ADCY9: variants seen among roughly 807,000 people sequenced by gnomAD.
ADCY9 encodes adenylate cyclase type 9.
ADCY9 carries 50 observed loss-of-function variants against 101.5 expected under a neutral mutation model. That is an observed-to-expected ratio of 0.49 (90% confidence interval 0.39 to 0.62). The LOEUF (loss-of-function observed/expected upper bound fraction) is 0.62. Ranked by LOEUF, ADCY9 falls within the 20% of genes least tolerant of loss-of-function variation. ADCY9 has a pLI of 0.00. For missense variants in ADCY9, 1,662 were observed against 1,800.4 expected, an observed-to-expected ratio of 0.92 and a Z score of 1.39; for synonymous variants, 905 against 769.3, an observed-to-expected ratio of 1.18 and a Z score of -2.92.
In ADCY9 at chr16:3,989,040, A is replaced by T; in HGVS notation, c.2264T>A (p.Leu755Gln). The T allele has an allele frequency of 6.2e-7, 1 of 1,614,208 alleles. No homozygotes were observed. The highest frequency in any genetic ancestry group is 1.1e-5 in the South Asian group (1 of 91,090). ...GTAGGATCGCTCCAGCTCCTGATCC[A>T]GGAAGTTCAGGCTGAACTGATTAAT... Reference protein sequence around the residue: ...PPINQFSLNFLDQELERSYRT... With the variant: ...PPINQFSLNFQDQELERSYRT... The change falls in exon 6 of 11, where the codon CTG (leucine) becomes CAG (glutamine). Residue 755 changes from leucine to glutamine, a missense_variant. Leu to Gln is a moderately radical substitution (Grantham distance 113). Coordinates refer to ENST00000294016, the MANE Select transcript of ADCY9 (RefSeq NM_001116.4).
chr16:4,082,510 C>G (rs534930470), intron 2 of ADCY9, among the ~76,000 whole-genome samples: 1 of 152,334 alleles, frequency 6.6e-6, no homozygotes, highest in East Asian at 1.9e-4. Flanking sequence ...CCAGCAGAAG[C>G]CTGATTCTGC....
rs1434488549 is a variant in ADCY9 at position 3,966,533 on chromosome 16, T to C, written c.3304A>G (p.Ser1102Gly). The change falls in exon 11 of 11, where the codon AGC becomes GGC. Residue 1102 changes from serine to glycine, a missense_variant. Ser to Gly is a moderately conservative substitution (Grantham distance 56). Coordinates refer to ENST00000294016, the MANE Select transcript of ADCY9 (RefSeq NM_001116.4). ...FDELLSKPDY[S>G]SIEKIKTIGA... ...ATGGTCTTGATCTTCTCGATGCTGC[T>C]GTAGTCCGGCTTGCTTAGGAGCTCG... 6.2e-7 allele frequency: 1 copy of C among 1,614,212 alleles called. No homozygotes were observed. Among genetic ancestry groups the C allele is most frequent in the South Asian group, 1.1e-5 (1 of 91,086 alleles).
At chr16:4,051,656 G>A (rs768055821) in intron 2 of ADCY9, among the ~76,000 whole-genome samples, 14 of 152,146 alleles carry the variant, frequency 9.2e-5, no homozygotes, top group Non-Finnish European at 1.2e-4. Flanking sequence ...CGAAGCAAAT[G>A]ATAATGGTAA....
At chr16:4,097,454 ATATATATATAT>A (rs2057011259) in intron 2 of ADCY9, among the ~76,000 whole-genome samples, 1 of 5,952 alleles carries the variant, frequency 1.7e-4, no homozygotes, top group Admixed American at 3.3e-3. Context: ...GTGGAGTTAC[ATATATATATAT>A]ATATATATAT....
intron 2 of ADCY9, among the ~76,000 whole-genome samples, chr16:4,103,145 C>G (rs1597228631): frequency 6.6e-6 from 1 of 152,242 alleles, no homozygotes; most frequent in Non-Finnish European, 1.5e-5. Context: ...GCTATTTCCA[C>G]AGGCAATATG....
chr16:4,112,341 G>A (rs959622601), intron 2 of ADCY9, among the ~76,000 whole-genome samples: 2 of 152,174 alleles, frequency 1.3e-5, no homozygotes, highest in East Asian at 1.9e-4. Flanking sequence ...AATAGTTTTC[G>A]TCTACATCCA....
chr16:3,971,297 A>G (rs2056049353), intron 10 of ADCY9, among the ~76,000 whole-genome samples: 1 of 152,064 alleles, frequency 6.6e-6, no homozygotes, highest in East Asian at 1.9e-4. Flanking sequence ...GCTTCCTCCA[A>G]ACGTCAACTC....
intron 2 of ADCY9, among the ~76,000 whole-genome samples, chr16:4,066,354 C>A (rs2056801247): frequency 6.6e-6 from 1 of 152,154 alleles, no homozygotes; most frequent in Non-Finnish European, 1.5e-5. Flanking sequence ...ACTTTTCTCT[C>A]TCCTCTCTCT....
chr16:3,960,695 C>CT (rs2055932556), downstream of ADCY9, among the ~76,000 whole-genome samples: 2 of 152,186 alleles, frequency 1.3e-5, no homozygotes, highest in South Asian at 2.1e-4. Flanking sequence ...GACTGAGACT[C>CT]TAACAGGCAC....
intron 2 of ADCY9, among the ~76,000 whole-genome samples, chr16:4,023,036 C>G (rs1027169399): frequency 6.6e-6 from 1 of 152,186 alleles, no homozygotes; most frequent in Admixed American, 6.5e-5. Context: ...ATCTCTACAA[C>G]GGTGGTCCAT....
intron 2 of ADCY9, among the ~76,000 whole-genome samples, chr16:4,081,088 G>A (rs886527874): frequency 3.3e-5 from 5 of 152,204 alleles, no homozygotes; most frequent in African/African-American, 1.2e-4. Flanking sequence ...TGCTTTATGA[G>A]AAAGGAAGAC....
intron 3 of ADCY9, among the ~76,000 whole-genome samples, chr16:4,005,296 A>C (rs1204039117): frequency 2.0e-5 from 3 of 152,200 alleles, no homozygotes; most frequent in Non-Finnish European, 4.4e-5. Flanking sequence ...TGGCAAAATC[A>C]TAGCTCATGC....
intron 2 of ADCY9, among the ~76,000 whole-genome samples, chr16:4,083,924 T>C (rs1215059588): frequency 6.6e-6 from 1 of 152,180 alleles, no homozygotes; most frequent in African/African-American, 2.4e-5. Flanking sequence ...AAATTGTCTG[T>C]AGTGATGGAT....
chr16:4,034,987 G>C (rs1054366573), intron 2 of ADCY9, among the ~76,000 whole-genome samples: 1 of 152,240 alleles, frequency 6.6e-6, no homozygotes, highest in African/African-American at 2.4e-5. Flanking sequence ...CACAGCAGCT[G>C]TAACTGCAGT....
At position 3,965,723 on chromosome 16, in the gene ADCY9, T is replaced by G; in HGVS notation, c.*52A>C. On this transcript the variant is annotated 3_prime_UTR_variant, in exon 11 of 11. Transcript: ENST00000294016. ...GGAAAGCACAACAGCCAAATACAAATATTACTGTGTTTCGACAAACAGAGC... is the reference window on the plus strand; with the variant it reads ...GGAAAGCACAACAGCCAAATACAAAGATTACTGTGTTTCGACAAACAGAGC... The G allele has an allele frequency of 2.0e-6, 3 of 1,524,506 alleles. No individual in the cohort carries two copies. Among genetic ancestry groups the G allele is most frequent in the South Asian group, 2.4e-5 (2 of 82,138 alleles). The allele number at this position is 1,524,506 out of a possible 1,614,324, so 94.4% of individuals were successfully genotyped here. A position where few individuals can be genotyped will look rare whatever the true frequency, so the allele number is the denominator to read the frequency against.
intron 2 of ADCY9, among the ~76,000 whole-genome samples, chr16:4,063,779 C>CA (rs1201675449): frequency 2.7e-5 from 4 of 150,234 alleles, no homozygotes; most frequent in South Asian, 4.2e-4. Context: ...AACTAAATCC[C>CA]AAAAAAAGCA....
chr16:3,977,245 C>T (rs2056099854), intron 9 of ADCY9, among the ~76,000 whole-genome samples: 1 of 152,254 alleles, frequency 6.6e-6, no homozygotes, highest in African/African-American at 2.4e-5. Flanking sequence ...AGGATGTCTA[C>T]ATTCAACTAC....
At chr16:3,986,723 G>A (rs970462161) in intron 6 of ADCY9, among the ~76,000 whole-genome samples, 2 of 152,138 alleles carry the variant, frequency 1.3e-5, no homozygotes, top group Admixed American at 1.3e-4. Flanking sequence ...CTCCCAAAGT[G>A]CTGGGATTAC....
chr16:4,105,028 C>T (rs919970323), intron 2 of ADCY9, among the ~76,000 whole-genome samples: 3 of 149,796 alleles, frequency 2.0e-5, no homozygotes, highest in Non-Finnish European at 4.4e-5. Context: ...GAGATCGTGC[C>T]ACTGCACTCC....
Sources: gnomAD v4.1 joint callset for allele counts (sites outside exome capture counted in the v4.1 genomes callset) on GRCh38, gnomAD v4.1.1 for gene constraint, MANE v1.5 for transcripts, NCBI Gene and HGNC (gene_info 2026-07-23, HGNC 2026-07-21) for gene names.